The following EYA2 variants were observed in gnomAD, a reference collection of about 807,000 sequenced individuals.
The protein encoded by EYA2 is protein phosphatase EYA2.
Under a neutral mutation model 69.2 loss-of-function variants are expected in EYA2, and 31 were observed. The observed-to-expected ratio is 0.45, with a 90% confidence interval of 0.34 to 0.60. The LOEUF is 0.60. Among genes scored for constraint, EYA2 ranks in the 20% least tolerant of loss-of-function variants. The pLI is 0.02. For missense variants in EYA2, 622 were observed against 701.2 expected (o/e 0.89, Z 1.28); for synonymous variants, 257 against 279.4 (o/e 0.92, Z 0.80).
intron 9 of EYA2, among the ~76,000 whole-genome samples, chr20:47,130,622 G>A (rs1035822880): frequency 2.0e-5 from 3 of 152,006 alleles, no homozygotes; most frequent in African/African-American, 4.8e-5. Context: ...AAACATGACC[G>A]CAATAGAAGA....
intron 1 of EYA2, among the ~76,000 whole-genome samples, chr20:46,966,867 AT>A (rs1458522980): frequency 2.6e-5 from 4 of 152,214 alleles, no homozygotes; most frequent in African/African-American, 9.6e-5. Flanking sequence ...ATGTCAAAAA[AT>A]ATTATCATTT....
intron 1 of EYA2, among the ~76,000 whole-genome samples, chr20:46,966,981 TTTTG>T (rs145245952): frequency 0.013 from 1,982 of 152,212 alleles, 31 homozygotes; most frequent in African/African-American, 0.044. Context: ...TCAATTTGTT[TTTTG>T]TTTGTTTGTG....
At chr20:47,050,735 A>G (rs972446867) in intron 5 of EYA2, among the ~76,000 whole-genome samples, 2 of 152,234 alleles carry the variant, frequency 1.3e-5, no homozygotes, top group Non-Finnish European at 2.9e-5. Flanking sequence ...CCTGGGGTGC[A>G]TTAGATGAAC....
At chr20:47,096,196 A>G (rs1476993759) in intron 8 of EYA2, 2 of 152,204 alleles carry the variant, frequency 1.3e-5, no homozygotes, top group Non-Finnish European at 2.9e-5. Flanking sequence ...TCTCCTTAAA[A>G]TCAATCTGGG....
Position 47,027,819 on chromosome 20 carries a change from A to T in EYA2, c.415+11522A>T, listed in dbSNP as rs534178579. On this transcript the variant is annotated intron_variant, in intron 5 of 15. Transcript: ENST00000327619. ...TGAGCACTGAAATGTGGTTAGTGCA[A>T]CTGAGGAATTGAATTTTTAATTTTG... Among the ~76,000 whole-genome samples the T allele has an allele frequency of 2.0e-5, 3 of 152,348 alleles. No individual in the cohort carries two copies. The South Asian group carries it at 6.2e-4, about 32-fold the overall frequency.
At chr20:46,919,886 C>A (rs1473080055) in intron 1 of EYA2, among the ~76,000 whole-genome samples, 1 of 152,178 alleles carries the variant, frequency 6.6e-6, no homozygotes, top group Non-Finnish European at 1.5e-5. Flanking sequence ...CACTTGAGCA[C>A]TCAGAGGCCA....
chr20:47,020,731 T>G (rs568240877), intron 5 of EYA2, among the ~76,000 whole-genome samples: 3 of 152,184 alleles, frequency 2.0e-5, no homozygotes, highest in East Asian at 1.9e-4. Context: ...CACATGGACT[T>G]CTCTGTGCCT....
intron 1 of EYA2, among the ~76,000 whole-genome samples, chr20:46,905,948 A>T (rs989282518): frequency 6.6e-6 from 1 of 151,186 alleles, no homozygotes; most frequent in African/African-American, 2.5e-5. Flanking sequence ...TTCTTCAGGT[A>T]GCTACCGTTT....
intron 9 of EYA2, among the ~76,000 whole-genome samples, chr20:47,110,303 G>A (rs2032711753): frequency 1.3e-5 from 2 of 152,176 alleles, no homozygotes; most frequent in Non-Finnish European, 2.9e-5. Flanking sequence ...GCACAGTGGT[G>A]CAAACACGGC....
At chr20:47,116,400 A>T (rs1004214458) in intron 9 of EYA2, among the ~76,000 whole-genome samples, 5 of 151,124 alleles carry the variant, frequency 3.3e-5, no homozygotes, top group African/African-American at 4.9e-5. Context: ...CTGGTCTCGA[A>T]CTCCTGACCT....
chr20:46,914,371 T>C (rs923761463), intron 1 of EYA2, among the ~76,000 whole-genome samples: 1 of 152,240 alleles, frequency 6.6e-6, no homozygotes, highest in African/African-American at 2.4e-5. Flanking sequence ...AGTTTTCTCA[T>C]CTGTGGAGTG....
intron 5 of EYA2, among the ~76,000 whole-genome samples, chr20:47,057,161 G>A (rs1010012045): frequency 1.8e-4 from 27 of 150,240 alleles, no homozygotes; most frequent in African/African-American, 6.6e-4. Context: ...AAGGAAGGAA[G>A]GAAGGAAGGA....
chr20:47,081,917 G>A (rs985249485), intron 7 of EYA2, among the ~76,000 whole-genome samples: 3 of 151,050 alleles, frequency 2.0e-5, no homozygotes, highest in Non-Finnish European at 2.9e-5. Flanking sequence ...TTGGCTCACT[G>A]CAACCTCTGC....
At chr20:47,026,204 G>A (rs1038091405) in intron 5 of EYA2, among the ~76,000 whole-genome samples, 4 of 152,232 alleles carry the variant, frequency 2.6e-5, no homozygotes, top group Non-Finnish European at 5.9e-5. Context: ...ACTATTGAAT[G>A]AATGGCATTG....
chr20:47,078,391 A>G (rs1386605352), intron 7 of EYA2, among the ~76,000 whole-genome samples: 1 of 151,860 alleles, frequency 6.6e-6, no homozygotes, highest in Non-Finnish European at 1.5e-5. Context: ...AATTTCCCAT[A>G]AAAACTCTAC....
intron 10 of EYA2, among the ~76,000 whole-genome samples, chr20:47,153,255 AG>A (rs997393976): frequency 1.3e-5 from 2 of 152,056 alleles, no homozygotes; most frequent in African/African-American, 4.8e-5. Flanking sequence ...CTCGTGTTTT[AG>A]GGGAAAAATG....
At position 46,990,831 on chromosome 20, in the gene EYA2, G is replaced by C. The variant is rs1361467292; in HGVS notation, c.109+712G>C. ...CCTCGTTGTTTTTCCTTCATTATCT[G>C]TTTGACACCAGCTCATGGGACACAA... On this transcript the variant is annotated intron_variant, in intron 2 of 15. Coordinates refer to ENST00000327619, the MANE Select transcript of EYA2 (RefSeq NM_005244.5). Among the ~76,000 whole-genome samples the C allele has an allele frequency of 1.3e-5, 2 of 152,128 alleles. 1 individual carries two copies. Among genetic ancestry groups the C allele is most frequent in the South Asian group, 4.1e-4 (2 of 4,822 alleles).
intron 1 of EYA2, among the ~76,000 whole-genome samples, chr20:46,985,595 T>C (rs1263583651): frequency 6.6e-6 from 1 of 152,066 alleles, no homozygotes; most frequent in African/African-American, 2.4e-5. Context: ...AGCTCTCAAA[T>C]GCAAATGCCT....
intron 7 of EYA2, among the ~76,000 whole-genome samples, chr20:47,084,020 C>A (rs2031812473): frequency 6.6e-6 from 1 of 152,058 alleles, no homozygotes; most frequent in South Asian, 2.1e-4. Context: ...CCAAGGCAGG[C>A]AGGTCACCTG....
Sources: gnomAD v4.1 joint callset for allele counts (sites outside exome capture counted in the v4.1 genomes callset) on GRCh38, gnomAD v4.1.1 for gene constraint, MANE v1.5 for transcripts, NCBI Gene and HGNC (gene_info 2026-07-23, HGNC 2026-07-21) for gene names.